DMD: variants seen among roughly 807,000 people sequenced by gnomAD.
The protein encoded by DMD is mutant dystrophin.
DMD carries 63 observed loss-of-function variants against 330.1 expected under a neutral mutation model. That is an observed-to-expected ratio of 0.19 (90% CI 0.16 to 0.24). The LOEUF (loss-of-function observed/expected upper bound fraction) is 0.24, where lower values mean the gene tolerates loss of function less well. DMD is among the 10% of genes least tolerant of loss of function. The probability of loss-of-function intolerance (pLI) is 1.00; values close to 1 mark genes in which losing one functional copy is unlikely to be tolerated. For synonymous variants in DMD, 1,223 were observed against 959.8 expected, an observed-to-expected ratio of 1.27 and a Z score of -5.07; for missense variants, 3,344 against 2,684.1, an observed-to-expected ratio of 1.25 and a Z score of -5.43.
chrX:32,550,749 GA>G (rs1217913899), intron 16 of DMD, among the ~76,000 whole-genome samples: 1 of 109,360 alleles, frequency 9.1e-6, no homozygotes, highest in African/African-American at 3.3e-5. Context: ...GAATAATAAA[GA>G]AAAAAAGAGA....
intron 55 of DMD, among the ~76,000 whole-genome samples, chrX:31,587,644 T>G (rs2076675893): frequency 9.0e-6 from 1 of 111,674 alleles, no homozygotes; most frequent in Non-Finnish European, 1.9e-5. Flanking sequence ...CCTAAGGCCC[T>G]TATGACTTTT....
intron 44 of DMD, among the ~76,000 whole-genome samples, chrX:32,052,975 T>C (rs1167944585): frequency 9.0e-6 from 1 of 111,407 alleles, no homozygotes; most frequent in Non-Finnish European, 1.9e-5. Context: ...TTGGGAAGAC[T>C]TGGGCAATAA....
rs542798195 is a variant in DMD, at chrX:33,160,882, C to A, written c.31+50400G>T. Among the ~76,000 whole-genome samples, 769 of 111,306 alleles carry A rather than the reference C, an allele frequency of 6.9e-3. 7 individuals carry two copies. The highest frequency in any genetic ancestry group is 0.014 in the Middle Eastern group (3 of 213). ...AAGATAGTATAACAAAATTTAAAGA[C>A]AAAACTAAGGATTTTTAAACCTTTA... On this transcript the variant is annotated intron_variant, in intron 1 of 78. Transcript: ENST00000357033.
At position 32,231,621 on chromosome X, in the gene DMD, C is replaced by T. The variant is rs150132145; in HGVS notation, c.6291-14558G>A. On this transcript the variant is annotated intron_variant, in intron 43 of 78. Transcript: ENST00000357033. ...ACTTTTTACTTAGCTTTATTCTAAA[C>T]GGGAAATTCTATTTTCTCTCTTACT... 4.4e-3 allele frequency among the ~76,000 whole-genome samples: 497 copies of T among 111,725 alleles called. 3 individuals carry two copies. Among genetic ancestry groups the T allele is most frequent in the Middle Eastern group, 9.3e-3 (2 of 215 alleles).
chrX:32,420,093 A>G (rs1244325625), intron 29 of DMD, among the ~76,000 whole-genome samples: 1 of 112,005 alleles, frequency 8.9e-6, no homozygotes, highest in Non-Finnish European at 1.9e-5. Context: ...ATCATATCCA[A>G]GCTTTCTCAA....
At chrX:32,677,802 A>C (rs917737751) in intron 9 of DMD, among the ~76,000 whole-genome samples, 1 of 111,817 alleles carries the variant, frequency 8.9e-6, no homozygotes, top group Non-Finnish European at 1.9e-5. Context: ...AGCTATTAGC[A>C]CTCCAGTGCT....
At chrX:32,551,821 C>T (rs1277302304) in intron 16 of DMD, among the ~76,000 whole-genome samples, 8 of 111,541 alleles carry the variant, frequency 7.2e-5, no homozygotes, top group Non-Finnish European at 1.5e-4. Context: ...CACTAGTGTT[C>T]CTACACACCA....
intron 51 of DMD, among the ~76,000 whole-genome samples, chrX:31,766,873 TTGTG>T (rs756777827): frequency 3.0e-5 from 3 of 101,080 alleles, no homozygotes; most frequent in Admixed American, 1.1e-4. Flanking sequence ...AAATATGATT[TTGTG>T]TGTGTGTGTG....
intron 44 of DMD, among the ~76,000 whole-genome samples, chrX:32,055,407 T>TA: frequency 8.9e-6 from 1 of 112,147 alleles, no homozygotes; most frequent in African/African-American, 3.2e-5. Flanking sequence ...AAAGCATATT[T>TA]AAAAATAAAT....
intron 67 of DMD, among the ~76,000 whole-genome samples, chrX:31,193,200 G>A (rs191283107): frequency 2.2e-4 from 25 of 112,501 alleles, no homozygotes; most frequent in African/African-American, 6.8e-4. Flanking sequence ...TTCATGTTAC[G>A]TGTTTTAATT....
At chrX:32,533,713 A>G (rs192436287) in intron 17 of DMD, among the ~76,000 whole-genome samples, 2 of 112,081 alleles carry the variant, frequency 1.8e-5, no homozygotes, top group East Asian at 5.6e-4. Context: ...CATGAAAACT[A>G]ATGTTGCTGT....
chrX:32,700,482 A>T (rs2147624159), intron 7 of DMD, among the ~76,000 whole-genome samples: 1 of 111,163 alleles, frequency 9.0e-6, no homozygotes, highest in South Asian at 3.7e-4. Flanking sequence ...AGTTCAGGAG[A>T]TCTATTGTAC....
intron 76 of DMD, among the ~76,000 whole-genome samples, chrX:31,135,695 G>A (rs1245099768): frequency 8.9e-6 from 1 of 112,391 alleles, no homozygotes; most frequent in Non-Finnish European, 1.9e-5. Context: ...AATTTCTTAG[G>A]TGCAAACAAA....
At chrX:32,517,866 TA>T in intron 18 of DMD, 141 bp downstream of exon 18, 1 of 707,791 alleles carries the variant, frequency 1.4e-6, no homozygotes, top group Non-Finnish European at 2.2e-6. Flanking sequence ...GCTTGCTATC[TA>T]AAATATATTT....
At chrX:31,891,201 T>C (rs903440477) in intron 47 of DMD, among the ~76,000 whole-genome samples, 1 of 111,693 alleles carries the variant, frequency 9.0e-6, no homozygotes, top group Non-Finnish European at 1.9e-5. Context: ...ATATGTGAAG[T>C]TGTAGCTTTA....
chrX:32,032,755 G>T (rs780163295), intron 44 of DMD, among the ~76,000 whole-genome samples: 1 of 112,226 alleles, frequency 8.9e-6, no homozygotes, highest in Non-Finnish European at 1.9e-5. Flanking sequence ...CCGCTCCCAT[G>T]ATCTGGCATT....
intron 44 of DMD, among the ~76,000 whole-genome samples, chrX:32,193,193 C>T (rs770432675): frequency 1.8e-5 from 2 of 111,917 alleles, no homozygotes; most frequent in South Asian, 7.5e-4. Flanking sequence ...TGCTGCTATG[C>T]TTCCGGTACA....
intron 51 of DMD, among the ~76,000 whole-genome samples, chrX:31,768,008 T>G (rs967191458): frequency 9.0e-6 from 1 of 111,517 alleles, no homozygotes; most frequent in African/African-American, 3.3e-5. Flanking sequence ...TGAACAATGC[T>G]ATTATCATCT....
intron 29 of DMD, among the ~76,000 whole-genome samples, chrX:32,437,903 T>C (rs1257926271): frequency 8.9e-6 from 1 of 111,967 alleles, no homozygotes; most frequent in Non-Finnish European, 1.9e-5. Context: ...ATAACAAATG[T>C]GTGTGGAATG....
Sources: allele counts gnomAD v4.1 joint callset (sites outside exome capture counted in the v4.1 genomes callset), GRCh38; gene constraint gnomAD v4.1.1; transcripts MANE v1.5; gene names NCBI Gene and HGNC (gene_info 2026-07-23, HGNC 2026-07-21).